Variants in DCHS2 observed in about 807,000 individuals in gnomAD.
DCHS2 encodes the protein protocadherin-23.
A neutral mutation model predicts 182.4 loss-of-function variants in DCHS2; 142 were observed. The ratio of observed to expected loss-of-function variants is 0.78; its 90% confidence interval spans 0.68 to 0.89. The LOEUF is 0.89. Among genes scored for constraint, DCHS2 ranks in the 40% least tolerant of loss-of-function variants. DCHS2 has a pLI of 0.00. For synonymous variants in DCHS2, 1,740 were observed against 1,663.3 expected, an observed-to-expected ratio of 1.05 and a Z score of -1.12; for missense variants, 4,319 against 4,198.6, an observed-to-expected ratio of 1.03 and a Z score of -0.79.
At chr4:154,296,686 T>C (rs1734939119) in intron 13 of DCHS2, among the ~76,000 whole-genome samples, 1 of 152,166 alleles carries the variant, frequency 6.6e-6, no homozygotes, top group African/African-American at 2.4e-5. Context: ...AATTTTTTGT[T>C]TTCTTAAAAG....
In DCHS2 at chr4:154,236,395, C is replaced by A; in HGVS notation, c.8257G>T (p.Ala2753Ser). The change falls in exon 20 of 20, where the codon GCA (alanine) becomes TCA (serine). Residue 2753 changes from alanine (A) to serine (S), a missense_variant. Ala to Ser is a moderately conservative substitution (Grantham distance 99). Coordinates refer to ENST00000357232, the MANE Select transcript of DCHS2 (RefSeq NM_001358235.2). ...SDAEKKHFSF[A>S]VVFVSVLDDN... ...TCCAGGACACTGACAAACACAACTG[C>A]AAAAGAAAAATGTTTCTTTTCTGCA... The A allele has an allele frequency of 3.1e-6, 5 of 1,614,040 alleles. No individual in the cohort carries two copies. Among genetic ancestry groups the A allele is most frequent in the Non-Finnish European group, 4.2e-6 (5 of 1,179,964 alleles).
intron 12 of DCHS2, among the ~76,000 whole-genome samples, chr4:154,300,582 G>A (rs1735159147): frequency 6.6e-6 from 1 of 151,816 alleles, no homozygotes; most frequent in South Asian, 2.1e-4. Context: ...CGCTGCTCAG[G>A]AGGCTGGGGT....
chr4:154,240,818 A>G lies in DCHS2; in HGVS notation c.7078T>C (p.Leu2360=), dbSNP rs1203848631. ...SEAVEITEDS[L]PGVIVTHVSV... ...ACATGAGTCACAATTACACCAGGCA[A>G]AGAATCTGAAATAGTCATGACCAGT... Residue 2360 remains leucine, a synonymous_variant, in exon 18 of 20, where the codon TTG becomes CTG. Transcript: ENST00000357232. 6 of 1,613,318 alleles carry G rather than the reference A, an allele frequency of 3.7e-6. No individual in the cohort carries two copies. The highest frequency in any genetic ancestry group is 8.5e-7 in the Non-Finnish European group (1 of 1,179,740).
intron 12 of DCHS2, among the ~76,000 whole-genome samples, chr4:154,301,476 T>C (rs1458802364): frequency 6.6e-6 from 1 of 152,122 alleles, no homozygotes; most frequent in East Asian, 1.9e-4. Context: ...CTTTGCCTTT[T>C]GCCTTATTTT....
chr4:154,382,076 C>A (rs904276544), intron 1 of DCHS2, among the ~76,000 whole-genome samples: 1 of 151,900 alleles, frequency 6.6e-6, no homozygotes, highest in African/African-American at 2.4e-5. Flanking sequence ...GGTACTGGTA[C>A]GAAAACAGAA....
At chr4:154,392,136 C>A (rs527771058) in intron 1 of DCHS2, among the ~76,000 whole-genome samples, 15 of 152,264 alleles carry the variant, frequency 9.9e-5, no homozygotes, top group African/African-American at 3.6e-4. Flanking sequence ...AGCCTCTTCC[C>A]ACTCCACCCA....
chr4:154,335,049 C>G lies in DCHS2; in HGVS notation c.2532G>C (p.Leu844Phe), dbSNP rs775667850. ...LSHLESTTLS[L>F]MVSAQDGGGL... ...CACCACCGTCTTGAGCAGAGACCAT[C>G]AACGAAAGTGTGGTAGATTCCAAAT... The change falls in exon 4 of 20, where the codon TTG becomes TTC. Residue 844 changes from leucine to phenylalanine, a missense_variant. Leu to Phe is a conservative substitution (Grantham distance 22, BLOSUM62 0). Transcript: ENST00000357232. The G allele has an allele frequency of 6.2e-7, 1 of 1,613,930 alleles. No homozygotes were observed. Among genetic ancestry groups the G allele is most frequent in the Non-Finnish European group, 8.5e-7 (1 of 1,179,842 alleles).
At chr4:154,277,099 A>G (rs1733884720) in intron 13 of DCHS2, among the ~76,000 whole-genome samples, 1 of 152,128 alleles carries the variant, frequency 6.6e-6, no homozygotes, top group Non-Finnish European at 1.5e-5. Context: ...AAGCATTCTA[A>G]CCCATAAAAA....
At chr4:154,346,832 C>A (rs1233926182) in intron 3 of DCHS2, among the ~76,000 whole-genome samples, 1 of 151,850 alleles carries the variant, frequency 6.6e-6, no homozygotes, top group Non-Finnish European at 1.5e-5. Context: ...CCCATACTCC[C>A]CCTCTTGATG....
intron 6 of DCHS2, among the ~76,000 whole-genome samples, chr4:154,328,578 A>G: frequency 6.6e-6 from 1 of 152,226 alleles, no homozygotes; most frequent in East Asian, 1.9e-4. Context: ...TAAAATAAGT[A>G]TGAACCTTTA....
At chr4:154,371,092 T>C (rs1001414495) in intron 2 of DCHS2, among the ~76,000 whole-genome samples, 8 of 152,052 alleles carry the variant, frequency 5.3e-5, no homozygotes, top group African/African-American at 1.9e-4. Context: ...GGTGCTGGGT[T>C]GTTCAGCAAA....
chr4:154,317,880 T>C (rs1735918726), intron 9 of DCHS2, among the ~76,000 whole-genome samples: 1 of 152,172 alleles, frequency 6.6e-6, no homozygotes, highest in African/African-American at 2.4e-5. Context: ...TTACAATTGA[T>C]GTGAAAAGCA....
intron 1 of DCHS2, among the ~76,000 whole-genome samples, chr4:154,413,172 A>T (rs1318824551): frequency 6.6e-6 from 1 of 152,180 alleles, no homozygotes; most frequent in Admixed American, 6.5e-5. Context: ...ACTTTGGCCC[A>T]TGACATTTTG....
At chr4:154,364,855 A>C (rs1730279100) in intron 3 of DCHS2, among the ~76,000 whole-genome samples, 1 of 152,238 alleles carries the variant, frequency 6.6e-6, no homozygotes, top group South Asian at 2.1e-4. Context: ...ATTACAATAG[A>C]AACACATTCT....
intron 1 of DCHS2, among the ~76,000 whole-genome samples, chr4:154,417,800 A>G (rs542531744): frequency 1.0e-3 from 155 of 152,332 alleles, no homozygotes; most frequent in African/African-American, 3.5e-3. Flanking sequence ...AACTATCTTA[A>G]AAATCAACTA....
intron 16 of DCHS2, among the ~76,000 whole-genome samples, chr4:154,251,598 A>G (rs1732362278): frequency 1.3e-5 from 2 of 152,154 alleles, no homozygotes; most frequent in Admixed American, 1.3e-4. Context: ...AGCTCACTGC[A>G]ATCTCCACCT....
In DCHS2 at chr4:154,298,481, C is replaced by T; in HGVS notation, c.5833G>A (p.Asp1945Asn). 3 of 1,614,126 alleles carry T rather than the reference C, an allele frequency of 1.9e-6. No individual in the cohort carries two copies. Among genetic ancestry groups the T allele is most frequent in the Non-Finnish European group, 2.5e-6 (3 of 1,179,984 alleles). ...AGAACCACTGTTCCCACTTCAGCAT[C>T]TTCTCTCACAGAGGACTGGTAATAA... ...TLYYQSSVRE[D>N]AEVGTVVLVL... The change falls in exon 13 of 20, where the codon GAT (aspartate) becomes AAT (asparagine). Residue 1945 changes from aspartate to asparagine, a missense_variant. Asp to Asn is a conservative substitution (Grantham distance 23). Transcript: ENST00000357232.
At chr4:154,441,535 T>C (rs185092139) in intron 1 of DCHS2, among the ~76,000 whole-genome samples, 2 of 150,380 alleles carry the variant, frequency 1.3e-5, no homozygotes, top group East Asian at 3.9e-4. Context: ...TGCTGGCAAA[T>C]AGGATAACAT....
intron 5 of DCHS2, among the ~76,000 whole-genome samples, chr4:154,330,393 T>C (rs1416846648): frequency 6.6e-6 from 1 of 152,212 alleles, no homozygotes; most frequent in Non-Finnish European, 1.5e-5. Context: ...TTAGAAGCTT[T>C]ATTTCAAATA....
Sources: gnomAD v4.1 joint callset for allele counts (sites outside exome capture counted in the v4.1 genomes callset) on GRCh38, gnomAD v4.1.1 for gene constraint, MANE v1.5 for transcripts, NCBI Gene and HGNC (gene_info 2026-07-23, HGNC 2026-07-21) for gene names.